C9orf85: variants seen among roughly 807,000 people sequenced by gnomAD.
C9orf85 encodes chromosome 9 open reading frame 85.
Under a neutral mutation model 14.9 loss-of-function variants are expected in C9orf85, and 16 were observed. The observed-to-expected ratio is 1.08, with a 90% confidence interval of 0.73 to 1.63. The LOEUF (loss-of-function observed/expected upper bound fraction) is 1.63. Ranked by LOEUF, C9orf85 falls within the 40% of genes most tolerant of loss-of-function variation. The pLI is 0.00. For synonymous variants in C9orf85, 45 were observed against 56.8 expected, an observed-to-expected ratio of 0.79 and a Z score of 0.93; for missense variants, 172 against 186.1, an observed-to-expected ratio of 0.92 and a Z score of 0.44.
intron 1 of C9orf85, among the ~76,000 whole-genome samples, chr9:71,922,542 C>T (rs1314758629): frequency 6.6e-6 from 1 of 152,280 alleles, no homozygotes; most frequent in East Asian, 1.9e-4. Context: ...CATGTAGAAC[C>T]ATTTCTCCCA....
chr9:71,955,640 A>G (rs1382986139), intron 2 of C9orf85, among the ~76,000 whole-genome samples: 1 of 152,196 alleles, frequency 6.6e-6, no homozygotes, highest in Non-Finnish European at 1.5e-5. Context: ...CAGTTTACAC[A>G]TCAAGTTATG....
At chr9:71,938,211 T>G (rs573454107) in intron 1 of C9orf85, among the ~76,000 whole-genome samples, 7 of 152,224 alleles carry the variant, frequency 4.6e-5, no homozygotes, top group African/African-American at 1.7e-4. Context: ...GTTCTGTCTG[T>G]AGGAAATGTA....
chr9:71,931,339 A>G (rs868037770), intron 1 of C9orf85, among the ~76,000 whole-genome samples: 2 of 152,188 alleles, frequency 1.3e-5, no homozygotes, highest in South Asian at 4.1e-4. Context: ...CTAGACTAAT[A>G]TATCAGATAT....
intron 1 of C9orf85, among the ~76,000 whole-genome samples, chr9:71,922,308 C>A (rs374050551): frequency 5.3e-5 from 8 of 152,222 alleles, no homozygotes; most frequent in Admixed American, 2.0e-4. Flanking sequence ...TTTGTACATA[C>A]CCTAACCCGA....
intron 1 of C9orf85, among the ~76,000 whole-genome samples, chr9:71,927,843 T>TA (rs1219699808): frequency 2.0e-5 from 3 of 152,172 alleles, no homozygotes; most frequent in Non-Finnish European, 2.9e-5. Flanking sequence ...CTCCTCTCTG[T>TA]AAAAAACAGT....
rs980732229 is a variant in C9orf85, at chr9:71,971,398, G to T, written c.210-107G>T. 9.4e-6 allele frequency: 5 copies of T among 530,570 alleles called. No individual in the cohort carries two copies. The Admixed American group carries it at 1.6e-4, about 17-fold the overall frequency. 32.9% of individuals were successfully genotyped at this position (530,570 alleles called of 1,614,324 possible). The stretch of plus-strand genomic sequence containing the variant: ...ATAAACACCTGAAATTGAAACCTAG[G>T]AATTTTGATTTCTTAGGCTTTTTAA... On this transcript the variant is annotated intron_variant, in intron 2 of 3. Transcript: ENST00000334731.
chr9:71,954,488 C>T (rs1002068682), intron 2 of C9orf85, among the ~76,000 whole-genome samples: 1 of 152,080 alleles, frequency 6.6e-6, no homozygotes, highest in African/African-American at 2.4e-5. Context: ...AGAGCAGAGC[C>T]GAGGGCTGCT....
At chr9:71,949,683 G>A (rs1822196509) in intron 2 of C9orf85, among the ~76,000 whole-genome samples, 1 of 152,184 alleles carries the variant, frequency 6.6e-6, no homozygotes, top group African/African-American at 2.4e-5. Flanking sequence ...GGGTAAACCT[G>A]TGTGGTTTTA....
At chr9:71,919,940 C>T (rs1050142641) in intron 1 of C9orf85, among the ~76,000 whole-genome samples, 4 of 151,746 alleles carry the variant, frequency 2.6e-5, no homozygotes, top group African/African-American at 9.7e-5. Flanking sequence ...ATCTCCACCT[C>T]CTGGGTTCAA....
intron 2 of C9orf85, among the ~76,000 whole-genome samples, chr9:71,954,927 G>A (rs1822344728): frequency 6.6e-6 from 1 of 152,128 alleles, no homozygotes; most frequent in Non-Finnish European, 1.5e-5. Context: ...CCGTGTGCTT[G>A]CTCCCTCTTT....
At chr9:71,984,350 A>G (rs1362229282), downstream of C9orf85, 1 of 152,210 alleles carries the variant, frequency 6.6e-6, no homozygotes, top group African/African-American at 2.4e-5. Context: ...TCTCTGGTTG[A>G]TGCAGTTTCC....
intron 2 of C9orf85, among the ~76,000 whole-genome samples, chr9:71,959,063 A>G (rs893033825): frequency 6.6e-6 from 1 of 152,054 alleles, no homozygotes; most frequent in African/African-American, 2.4e-5. Context: ...CATATATATT[A>G]TATATTTTAA....
At chr9:71,933,521 C>T (rs972496977) in intron 1 of C9orf85, among the ~76,000 whole-genome samples, 2 of 152,192 alleles carry the variant, frequency 1.3e-5, no homozygotes, top group Non-Finnish European at 2.9e-5. Flanking sequence ...TGAGAACTTT[C>T]ACCTTTTCAC....
At chr9:71,952,033 T>C (rs1822256231) in intron 2 of C9orf85, among the ~76,000 whole-genome samples, 3 of 152,180 alleles carry the variant, frequency 2.0e-5, no homozygotes, top group African/African-American at 7.2e-5. Flanking sequence ...TTTTGTCCCT[T>C]TCCTCAAGCA....
intron 1 of C9orf85, among the ~76,000 whole-genome samples, chr9:71,933,773 G>T (rs1477403256): frequency 6.6e-6 from 1 of 152,140 alleles, no homozygotes; most frequent in East Asian, 1.9e-4. Context: ...AGATAAGAGG[G>T]AACTGAGAAC....
rs936174788 is a variant in C9orf85, at chr9:71,911,662, G to A, written c.-73G>A. ...TCATTGACAGAAGCGTCAATTCCTG[G>A]GAGTAGTTCGTTGGTTTTCTTTCCC... is the stretch of plus-strand genomic sequence containing the variant. On this transcript the variant is annotated 5_prime_UTR_variant, in exon 1 of 4. Transcript: ENST00000334731. 4 of 1,264,042 alleles carry A rather than the reference G, an allele frequency of 3.2e-6. No individual in the cohort carries two copies. Among genetic ancestry groups the A allele is most frequent in the East Asian group, 2.3e-5 (1 of 43,316 alleles). 78.3% of individuals were successfully genotyped at this position (1,264,042 alleles called of 1,614,324 possible).
intron 1 of C9orf85, among the ~76,000 whole-genome samples, chr9:71,938,512 T>C (rs1445565702): frequency 6.6e-6 from 1 of 152,078 alleles, no homozygotes; most frequent in Non-Finnish European, 1.5e-5. Flanking sequence ...AATCATTTTG[T>C]AATGATTTCT....
At chr9:71,937,359 G>A (rs1341555818) in intron 1 of C9orf85, among the ~76,000 whole-genome samples, 1 of 152,128 alleles carries the variant, frequency 6.6e-6, no homozygotes, top group African/African-American at 2.4e-5. Flanking sequence ...TGGTTAGTTT[G>A]TACACAGACC....
rs1009995733 is a variant in C9orf85 at position 71,911,655 on chromosome 9, A to G, written c.-80A>G. 6 of 1,238,720 alleles carry G rather than the reference A, an allele frequency of 4.8e-6. No homozygotes were observed. The highest frequency in any genetic ancestry group is 7.1e-6 in the Non-Finnish European group (6 of 839,408). 76.7% of individuals were successfully genotyped at this position (1,238,720 alleles called of 1,614,324 possible). On this transcript the variant is annotated 5_prime_UTR_variant, in exon 1 of 4. Coordinates refer to ENST00000334731, the MANE Select transcript of C9orf85 (RefSeq NM_182505.5). ...TTCCGGGTCATTGACAGAAGCGTCA[A>G]TTCCTGGGAGTAGTTCGTTGGTTTT...
Sources: allele counts gnomAD v4.1 joint callset (sites outside exome capture counted in the v4.1 genomes callset), GRCh38; gene constraint gnomAD v4.1.1; transcripts MANE v1.5; gene names NCBI Gene and HGNC (gene_info 2026-07-23, HGNC 2026-07-21).